The following DYSF variants were observed in gnomAD, a reference collection of about 807,000 sequenced individuals.
The protein encoded by DYSF is dystrophy-associated fer-1-like 1.
A neutral mutation model predicts 274.9 loss-of-function variants in DYSF; 212 were observed. That is an observed-to-expected ratio of 0.77 (90% CI 0.69 to 0.86). DYSF has a LOEUF of 0.86. Among genes scored for constraint, DYSF ranks in the 40% least tolerant of loss-of-function variants. The probability of loss-of-function intolerance (pLI) is 0.00; values close to 1 mark genes in which losing one functional copy is unlikely to be tolerated. For synonymous variants in DYSF, 1,091 were observed against 1,078.7 expected, an observed-to-expected ratio of 1.01 and a Z score of -0.22; for missense variants, 2,666 against 2,783.2, an observed-to-expected ratio of 0.96 and a Z score of 0.95.
chr2:71,544,616 T>C lies in DYSF; in HGVS notation c.1576+5377T>C, dbSNP rs554032431. Reference sequence around the variant, plus strand: ...CCAGGATTACAGTTGTCTGCCACCATACCTGGCTAATATTTTTTATTTTTA... The same window carrying C: ...CCAGGATTACAGTTGTCTGCCACCACACCTGGCTAATATTTTTTATTTTTA... On this transcript the variant is annotated intron_variant, in intron 17 of 55. Coordinates refer to ENST00000410020, the MANE Select transcript of DYSF (RefSeq NM_001130987.2). Among the ~76,000 whole-genome samples, 15 of 152,168 alleles carry C rather than the reference T, an allele frequency of 9.9e-5. 1 individual carries two copies. The South Asian group carries it at 2.5e-3, about 25-fold the overall frequency.
intron 4 of DYSF, among the ~76,000 whole-genome samples, chr2:71,510,748 T>C (rs1016316493): frequency 6.6e-6 from 1 of 152,198 alleles, no homozygotes; most frequent in Non-Finnish European, 1.5e-5. Flanking sequence ...CAGAGGGACA[T>C]TATGCCTCAG....
At position 71,562,009 on chromosome 2, in the gene DYSF, A is replaced by AG. The variant is rs1288607716; in HGVS notation, c.2409+68dup. ...TGCTGCCTGGAACATCAGAACTGGCAGGGACAAGGCGAATGTCTGGATTAT... is the reference window on the plus strand; with the variant it reads ...TGCTGCCTGGAACATCAGAACTGGCAGGGGACAAGGCGAATGTCTGGATTAT... On this transcript the variant is annotated intron_variant, in intron 23 of 55. Transcript: ENST00000410020. The AG allele has an allele frequency of 6.4e-6, 10 of 1,569,236 alleles. No homozygotes were observed. In the Admixed American group the frequency reaches 1.7e-4, roughly 26 times the overall value.
At chr2:71,486,535 T>A (rs1044967935) in intron 3 of DYSF, among the ~76,000 whole-genome samples, 1 of 152,156 alleles carries the variant, frequency 6.6e-6, no homozygotes, top group Non-Finnish European at 1.5e-5. Context: ...TCCCTGATGA[T>A]CACTGGCAGT....
At chr2:71,619,800 A>G (rs1459273128) in intron 40 of DYSF, among the ~76,000 whole-genome samples, 1 of 151,920 alleles carries the variant, frequency 6.6e-6, no homozygotes, top group Non-Finnish European at 1.5e-5. Context: ...CCATCCCCTT[A>G]TCCTAGAGTA....
At chr2:71,518,796 A>G (rs1393617391) in intron 10 of DYSF, among the ~76,000 whole-genome samples, 1 of 151,918 alleles carries the variant, frequency 6.6e-6, no homozygotes, top group Non-Finnish European at 1.5e-5. Flanking sequence ...ATTCTGCCCA[A>G]TAAATAATTG....
At position 71,669,618 on chromosome 2, in the gene DYSF, T is replaced by G. The variant is rs1001429537; in HGVS notation, c.5656T>G (p.Phe1886Val). Reference protein sequence around the residue: ...DIYVKGWMIGFEEHKQKTDVH... With the variant: ...DIYVKGWMIGVEEHKQKTDVH... ...ATGTATGTCTAGTTGGATGATTGGC[T>G]TTGAAGAACACAAGCAAAAGACAGA... Residue 1886 changes from phenylalanine (F) to valine (V), a missense_variant, in exon 51 of 56, where the codon TTT becomes GTT. Phe to Val is a conservative substitution (Grantham distance 50). Transcript: ENST00000410020. 9 of 1,614,206 alleles carry G rather than the reference T, an allele frequency of 5.6e-6. No homozygotes were observed. The highest frequency in any genetic ancestry group is 1.3e-5 in the African/African-American group (1 of 75,050).
chr2:71,508,318 C>A (rs570802483), intron 4 of DYSF, among the ~76,000 whole-genome samples: 1 of 152,270 alleles, frequency 6.6e-6, no homozygotes, highest in South Asian at 2.1e-4. Flanking sequence ...GCCTTCCAAA[C>A]GATGAAATTA....
chr2:71,572,332 C>A (rs2092541339), intron 29 of DYSF, among the ~76,000 whole-genome samples: 1 of 151,802 alleles, frequency 6.6e-6, no homozygotes, highest in Non-Finnish European at 1.5e-5. Flanking sequence ...ACACCCAGCA[C>A]ACCCACAGAT....
chr2:71,663,955 C>T (rs2094949487), intron 45 of DYSF, among the ~76,000 whole-genome samples: 1 of 152,200 alleles, frequency 6.6e-6, no homozygotes, highest in Admixed American at 6.5e-5. Context: ...TCTCTTGCAT[C>T]TGTTGTCTCC....
chr2:71,678,523 C>T (rs760313770), intron 52 of DYSF, among the ~76,000 whole-genome samples: 19 of 151,624 alleles, frequency 1.3e-4, no homozygotes, highest in Admixed American at 2.0e-4. Flanking sequence ...GTTACTGGGG[C>T]GAAGGGGAGG....
intron 47 of DYSF, among the ~76,000 whole-genome samples, chr2:71,666,756 A>T (rs1052200193): frequency 1.3e-5 from 2 of 152,216 alleles, no homozygotes; most frequent in East Asian, 3.8e-4. Context: ...ATGTGATCTC[A>T]GCTGCTCTGC....
chr2:71,517,496 A>T (rs1312064246), intron 10 of DYSF, among the ~76,000 whole-genome samples: 1 of 152,206 alleles, frequency 6.6e-6, no homozygotes, highest in Non-Finnish European at 1.5e-5. Context: ...TCTTAAAAAG[A>T]TGTATAGCAC....
At chr2:71,598,235 T>C (rs2152855279) in intron 32 of DYSF, among the ~76,000 whole-genome samples, 1 of 152,348 alleles carries the variant, frequency 6.6e-6, no homozygotes, top group South Asian at 2.1e-4. Flanking sequence ...AATGAATAGA[T>C]GAATATACCA....
At chr2:71,684,468 C>A (rs891457189) in intron 55 of DYSF, among the ~76,000 whole-genome samples, 3 of 152,086 alleles carry the variant, frequency 2.0e-5, no homozygotes, top group Admixed American at 1.3e-4. Context: ...GAGGTAAGGG[C>A]GTGTTTTGGG....
chr2:71,535,328 G>A lies in DYSF; in HGVS notation c.1493+17G>A. 6.2e-7 allele frequency: 1 copy of A among 1,613,804 alleles called. No homozygotes were observed. The highest frequency in any genetic ancestry group is 8.5e-7 in the Non-Finnish European group (1 of 1,179,710). The stretch of plus-strand genomic sequence containing the variant: ...CATAGACTGGTGAGTTCTGAGTCTT[G>A]GAGTCTTTAGGGCGGGCTGTCCTGA... On this transcript the variant is annotated intron_variant, in intron 16 of 55. Transcript: ENST00000410020.
rs896011451 is a variant in DYSF at position 71,503,208 on chromosome 2, T to A, written c.240-6T>A. On this transcript the variant is annotated splice_polypyrimidine_tract_variant and splice_region_variant and intron_variant, in intron 3 of 55. Transcript: ENST00000410020. ...TTTTCTACATTTGACTTCTCTCTCC[T>A]CTCAGGTTCCTGGGGGAAGCCAAGG... 1.2e-6 allele frequency: 2 copies of A among 1,613,862 alleles called. No individual in the cohort carries two copies. Among genetic ancestry groups the A allele is most frequent in the Non-Finnish European group, 1.7e-6 (2 of 1,179,830 alleles).
rs181142112 is a variant in DYSF, at chr2:71,484,643, A to T, written c.239+2673A>T. On this transcript the variant is annotated intron_variant, in intron 3 of 55. Coordinates refer to ENST00000410020, the MANE Select transcript of DYSF (RefSeq NM_001130987.2). Reference sequence around the variant, plus strand: ...TCTAACTGTGTTTTTGTATCCATTGACCACCTTGCTTTATCCACCTCTCCC... The same window carrying T: ...TCTAACTGTGTTTTTGTATCCATTGTCCACCTTGCTTTATCCACCTCTCCC... 2.1e-4 allele frequency among the ~76,000 whole-genome samples: 32 copies of T among 152,258 alleles called. 1 individual carries two copies. In the East Asian group the frequency reaches 5.8e-3, roughly 28 times the overall value.
intron 13 of DYSF, among the ~76,000 whole-genome samples, chr2:71,527,334 A>G (rs1204333722): frequency 6.6e-6 from 1 of 152,214 alleles, no homozygotes; most frequent in East Asian, 1.9e-4. Context: ...AAAGGTAACT[A>G]TTTGAGAGTT....
chr2:71,457,716 G>C (rs1225864660), intron 1 of DYSF, among the ~76,000 whole-genome samples: 1 of 152,172 alleles, frequency 6.6e-6, no homozygotes, highest in Non-Finnish European at 1.5e-5. Context: ...TCAGTCACCA[G>C]TTGATGCAGG....
Sources: allele counts gnomAD v4.1 joint callset (sites outside exome capture counted in the v4.1 genomes callset), GRCh38; gene constraint gnomAD v4.1.1; transcripts MANE v1.5; gene names NCBI Gene and HGNC (gene_info 2026-07-23, HGNC 2026-07-21).